Variants in ST6GALNAC3 observed in about 807,000 individuals in gnomAD.
ST6GALNAC3 encodes the protein alpha-N-acetylgalactosaminide alpha-2,6-sialyltransferase 3.
In ST6GALNAC3, 25 loss-of-function variants were observed where a neutral mutation model predicts 32.7. The observed-to-expected ratio is 0.76, with a 90% CI of 0.56 to 1.07. The LOEUF is 1.07. Among genes scored for constraint, ST6GALNAC3 ranks in the 50% least tolerant of loss-of-function variants. ST6GALNAC3 has a pLI of 0.00. For missense variants in ST6GALNAC3, 355 were observed against 382.4 expected (o/e 0.93, Z 0.60); for synonymous variants, 129 against 133.1 (o/e 0.97, Z 0.21).
chr1:76,087,833 A>G (rs1443383444), intron 1 of ST6GALNAC3, among the ~76,000 whole-genome samples: 1 of 152,264 alleles, frequency 6.6e-6, no homozygotes, highest in Non-Finnish European at 1.5e-5. Flanking sequence ...AACTTTAATG[A>G]TACAATAACA....
intron 1 of ST6GALNAC3, among the ~76,000 whole-genome samples, chr1:76,270,405 G>T (rs756080206): frequency 6.6e-6 from 1 of 151,024 alleles, no homozygotes; most frequent in Non-Finnish European, 1.5e-5. Flanking sequence ...TACTCAGGAC[G>T]CTGAGGCAGG....
rs1340312897 is a variant in ST6GALNAC3, at chr1:76,154,948, T to A, written c.18+80064T>A. Reference sequence around the variant, plus strand: ...AGTTTCTTGGCCCTTGATTAGAAGTTCCTTCTGATTACAAAACACCTCTTG... The same window carrying A: ...AGTTTCTTGGCCCTTGATTAGAAGTACCTTCTGATTACAAAACACCTCTTG... On this transcript the variant is annotated intron_variant, in intron 1 of 4. Coordinates refer to ENST00000328299, the MANE Select transcript of ST6GALNAC3 (RefSeq NM_152996.4). 7.9e-5 allele frequency among the ~76,000 whole-genome samples: 12 copies of A among 152,214 alleles called. No individual in the cohort carries two copies. The East Asian group carries it at 2.1e-3, about 27-fold the overall frequency.
intron 2 of ST6GALNAC3, among the ~76,000 whole-genome samples, chr1:76,375,600 C>T (rs920973674): frequency 5.3e-5 from 8 of 152,168 alleles, no homozygotes; most frequent in Admixed American, 2.0e-4. Context: ...CCAGGACCAA[C>T]GGTTGATTTT....
chr1:76,367,867 C>T (rs1328193453), intron 2 of ST6GALNAC3, among the ~76,000 whole-genome samples: 1 of 152,148 alleles, frequency 6.6e-6, no homozygotes, highest in Admixed American at 6.6e-5. Context: ...ATAAAGGGCT[C>T]CATGAAGCAC....
Position 76,494,468 on chromosome 1 carries a change from T to TATATATAC in ST6GALNAC3, c.623+82052_623+82053insTATATACA, listed in dbSNP as rs1472545640. Among the ~76,000 whole-genome samples, 256 of 59,516 alleles carry TATATATAC rather than the reference T, an allele frequency of 4.3e-3. 17 individuals are homozygous for TATATATAC. Among genetic ancestry groups the TATATATAC allele is most frequent in the Admixed American group, 0.015 (65 of 4,466 alleles). 39.0% of individuals were successfully genotyped at this position (59,516 alleles called of 152,430 possible). ...ATATATATATATATATATATATATA[T>TATATATAC]ACACACACACACACACACTTTCCCT... On this transcript the variant is annotated intron_variant, in intron 3 of 4. Transcript: ENST00000328299.
At chr1:76,493,330 C>T (rs1660617247) in intron 3 of ST6GALNAC3, among the ~76,000 whole-genome samples, 1 of 152,100 alleles carries the variant, frequency 6.6e-6, no homozygotes, top group Non-Finnish European at 1.5e-5. Context: ...GCAAAATAAC[C>T]CTTAGAGGAG....
intron 1 of ST6GALNAC3, among the ~76,000 whole-genome samples, chr1:76,290,612 G>A (rs1468940224): frequency 6.6e-6 from 1 of 152,156 alleles, no homozygotes; most frequent in Non-Finnish European, 1.5e-5. Context: ...GGTGACACAG[G>A]CAGTGAATAG....
chr1:76,418,382 G>A (rs571936463), intron 3 of ST6GALNAC3, among the ~76,000 whole-genome samples: 3 of 151,662 alleles, frequency 2.0e-5, no homozygotes, highest in African/African-American at 7.3e-5. Flanking sequence ...TAGCTTGAAG[G>A]TGGAGGGCAA....
At chr1:76,349,171 C>T (rs1648771407) in intron 2 of ST6GALNAC3, among the ~76,000 whole-genome samples, 2 of 152,148 alleles carry the variant, frequency 1.3e-5, no homozygotes, top group African/African-American at 4.8e-5. Flanking sequence ...CTCCCCTAGA[C>T]TCTCATAGGG....
At chr1:76,597,413 C>T (rs1443371149) in intron 3 of ST6GALNAC3, among the ~76,000 whole-genome samples, 1 of 152,070 alleles carries the variant, frequency 6.6e-6, no homozygotes, top group African/African-American at 2.4e-5. Flanking sequence ...CAGACATACA[C>T]ACAACGCTAA....
chr1:76,097,374 G>A (rs1571142299), intron 1 of ST6GALNAC3, among the ~76,000 whole-genome samples: 3 of 152,098 alleles, frequency 2.0e-5, no homozygotes, highest in East Asian at 1.9e-4. Flanking sequence ...TGCTGTTCTC[G>A]TGATAGTGAG....
At chr1:76,216,741 T>C (rs1162629871) in intron 1 of ST6GALNAC3, among the ~76,000 whole-genome samples, 3 of 152,232 alleles carry the variant, frequency 2.0e-5, no homozygotes, top group African/African-American at 7.2e-5. Context: ...TTTACTGCAG[T>C]GTAATTTGTT....
chr1:76,627,511 C>A lies in ST6GALNAC3; in HGVS notation c.683C>A (p.Ala228Asp). ...GWFTFLLAMD[A>D]CYGIHVYGMI... Reference sequence around the variant, plus strand: ...TTTACCTTCCTTCTGGCCATGGACGCCTGTTATGGCATTCACGTCTACGGG... The same window carrying A: ...TTTACCTTCCTTCTGGCCATGGACGACTGTTATGGCATTCACGTCTACGGG... Residue 228 changes from alanine to aspartate, a missense_variant, in exon 4 of 5, where the codon GCC (alanine) becomes GAC (aspartate). Physicochemically the swap from Ala to Asp is moderately radical, Grantham distance 126. Coordinates refer to ENST00000328299, the MANE Select transcript of ST6GALNAC3 (RefSeq NM_152996.4). The A allele has an allele frequency of 6.2e-7, 1 of 1,612,692 alleles. No homozygotes were observed. Among genetic ancestry groups the A allele is most frequent in the Non-Finnish European group, 8.5e-7 (1 of 1,179,032 alleles).
chr1:76,163,169 A>G (rs369353141), intron 1 of ST6GALNAC3, among the ~76,000 whole-genome samples: 19 of 152,238 alleles, frequency 1.2e-4, no homozygotes, highest in Admixed American at 3.9e-4. Flanking sequence ...CTAAAACCTT[A>G]TAGTATTTTA....
intron 3 of ST6GALNAC3, among the ~76,000 whole-genome samples, chr1:76,558,130 T>C (rs1427574507): frequency 6.6e-6 from 1 of 152,206 alleles, no homozygotes; most frequent in African/African-American, 2.4e-5. Context: ...GGAACACTTA[T>C]ACACTGTTAG....
At chr1:76,340,603 A>G (rs1647880894) in intron 2 of ST6GALNAC3, among the ~76,000 whole-genome samples, 1 of 152,234 alleles carries the variant, frequency 6.6e-6, no homozygotes, top group African/African-American at 2.4e-5. Flanking sequence ...CAGATGATGA[A>G]ATTGAAATAT....
intron 3 of ST6GALNAC3, among the ~76,000 whole-genome samples, chr1:76,462,992 A>G (rs775580705): frequency 6.6e-6 from 1 of 152,154 alleles, no homozygotes; most frequent in Non-Finnish European, 1.5e-5. Flanking sequence ...GTGGTCAAAC[A>G]CCCCTTGCTC....
At chr1:76,108,879 T>C (rs1267376967) in intron 1 of ST6GALNAC3, among the ~76,000 whole-genome samples, 1 of 83,276 alleles carries the variant, frequency 1.2e-5, no homozygotes, top group Non-Finnish European at 2.3e-5. Flanking sequence ...TGTGTGTGTG[T>C]GTGTGTGTGT....
At chr1:76,619,536 A>G (rs1160565392) in intron 3 of ST6GALNAC3, among the ~76,000 whole-genome samples, 3 of 152,180 alleles carry the variant, frequency 2.0e-5, no homozygotes, top group Non-Finnish European at 4.4e-5. Flanking sequence ...TTAATGAGGA[A>G]TTTAATGAAG....
Sources: gnomAD v4.1 joint callset for allele counts (sites outside exome capture counted in the v4.1 genomes callset) on GRCh38, gnomAD v4.1.1 for gene constraint, MANE v1.5 for transcripts, NCBI Gene and HGNC (gene_info 2026-07-23, HGNC 2026-07-21) for gene names.